Variants in B4GALT4 observed in about 807,000 individuals in gnomAD.
B4GALT4 encodes N-acetyllactosamine synthase.
B4GALT4 carries 27 observed loss-of-function variants against 37.3 expected under a neutral mutation model. That is an observed-to-expected ratio of 0.72 (90% CI 0.53 to 1.00). The LOEUF is 1.00. Among genes scored for constraint, B4GALT4 ranks in the 50% least tolerant of loss-of-function variants. B4GALT4 has a pLI of 0.00. For synonymous variants in B4GALT4, 148 were observed against 154.1 expected, an observed-to-expected ratio of 0.96 and a Z score of 0.29; for missense variants, 372 against 413.1, an observed-to-expected ratio of 0.90 and a Z score of 0.86.
chr3:119,213,468 G>C (rs979155747), intron 7 of B4GALT4: 1 of 152,216 alleles, frequency 6.6e-6, no homozygotes, highest in Non-Finnish European at 1.5e-5. Flanking sequence ...AAGAATAAAT[G>C]CAGTGTGATT....
intron 6 of B4GALT4, 76 bp from the exon 7 acceptor site, chr3:119,216,420 G>A (rs577557428): frequency 2.4e-5 from 24 of 1,003,176 alleles, no homozygotes; most frequent in African/African-American, 1.3e-4. Flanking sequence ...CATCATTTGC[G>A]AAAATTTATA....
At chr3:119,238,966 G>A (rs1436193342) in intron 1 of B4GALT4, among the ~76,000 whole-genome samples, 1 of 152,216 alleles carries the variant, frequency 6.6e-6, no homozygotes, top group African/African-American at 2.4e-5. Context: ...ACTGTGGTCT[G>A]TGTTTGAAAT....
At chr3:119,227,162 G>A in intron 3 of B4GALT4, 121 bp from the exon 4 acceptor site, 2 of 799,882 alleles carry the variant, frequency 2.5e-6, no homozygotes, top group East Asian at 5.2e-5. Flanking sequence ...ACAAATGTCA[G>A]CTTTTATTAT....
At chr3:119,218,490 G>A (rs76490022) in intron 6 of B4GALT4, among the ~76,000 whole-genome samples, 160 bp downstream of exon 6, 3,176 of 152,154 alleles carry the variant, frequency 0.021, 91 homozygotes, top group African/African-American at 0.07. Flanking sequence ...AGAATGATGT[G>A]GGCCATCCTA....
At chr3:119,236,585 C>T (rs1241818460) in intron 2 of B4GALT4, among the ~76,000 whole-genome samples, 1 of 152,128 alleles carries the variant, frequency 6.6e-6, no homozygotes, top group Non-Finnish European at 1.5e-5. Context: ...TTCCTAGTGC[C>T]TCAAACCAAC....
intron 3 of B4GALT4, among the ~76,000 whole-genome samples, chr3:119,229,270 C>T (rs1430611040): frequency 6.6e-6 from 1 of 152,164 alleles, no homozygotes; most frequent in Non-Finnish European, 1.5e-5. Context: ...ACAGGAGGCA[C>T]ATGGGGCAGA....
intron 2 of B4GALT4, among the ~76,000 whole-genome samples, chr3:119,234,396 A>G (rs1024365857): frequency 6.6e-6 from 1 of 152,216 alleles, no homozygotes; most frequent in Non-Finnish European, 1.5e-5. Flanking sequence ...CTGGGATTAC[A>G]GGCGTGAGCC....
intron 2 of B4GALT4, chr3:119,233,114 A>T (rs2078874374): frequency 6.6e-6 from 1 of 152,234 alleles, no homozygotes; most frequent in Admixed American, 6.5e-5. Context: ...AGCCCTGGGA[A>T]CATGGCTTTT....
chr3:119,231,577 GTGCTA>G (rs1279511702), intron 2 of B4GALT4, among the ~76,000 whole-genome samples: 12 of 151,846 alleles, frequency 7.9e-5, no homozygotes, highest in Non-Finnish European at 1.5e-4. Flanking sequence ...CCCTATATCT[GTGCTA>G]TGATTACAAC....
intron 5 of B4GALT4, among the ~76,000 whole-genome samples, chr3:119,221,753 G>A (rs886492474): frequency 1.3e-5 from 2 of 152,184 alleles, no homozygotes; most frequent in East Asian, 3.8e-4. Flanking sequence ...ATTTCTAAAA[G>A]AGGGCCATGG....
intron 6 of B4GALT4, among the ~76,000 whole-genome samples, chr3:119,218,327 G>A (rs937313132): frequency 5.3e-5 from 8 of 152,250 alleles, no homozygotes; most frequent in Non-Finnish European, 8.8e-5. Flanking sequence ...TTAACAACCC[G>A]GTCTCCAAAT....
At chr3:119,215,951 A>C (rs1024083716) in intron 7 of B4GALT4, 9 of 201,944 alleles carry the variant, frequency 4.5e-5, no homozygotes, top group African/African-American at 2.1e-4. Context: ...TATTTTAAGA[A>C]TACATACTGA....
At chr3:119,212,791 G>A in intron 7 of B4GALT4, 110 bp from the exon 8 acceptor site, 1 of 1,063,372 alleles carries the variant, frequency 9.4e-7, no homozygotes, top group Non-Finnish European at 1.3e-6. Context: ...TATTGTACCT[G>A]TTGTGTTTCC....
chr3:119,217,829 C>T (rs1424787128), intron 6 of B4GALT4, among the ~76,000 whole-genome samples: 7 of 114,254 alleles, frequency 6.1e-5, no homozygotes, highest in South Asian at 3.0e-4. Flanking sequence ...GGTGACAGAG[C>T]GAGACTTTGT....
intron 5 of B4GALT4, among the ~76,000 whole-genome samples, chr3:119,223,149 G>C (rs2107492127): frequency 6.6e-6 from 1 of 152,256 alleles, no homozygotes; most frequent in East Asian, 1.9e-4. Context: ...TCCTTACCAA[G>C]TGCTTATAGT....
intron 1 of B4GALT4, among the ~76,000 whole-genome samples, chr3:119,237,932 A>G (rs13091429): frequency 0.19 from 28,260 of 152,146 alleles, 2,799 homozygotes; most frequent in Admixed American, 0.26. Flanking sequence ...ACACAGAAAA[A>G]TGCTCATAAC....
intron 6 of B4GALT4, 82 bp from the exon 7 acceptor site, chr3:119,216,426 T>C (rs2078292215): frequency 1.0e-5 from 8 of 786,606 alleles, no homozygotes. Context: ...TTGCGAAAAT[T>C]TATACACACA....
chr3:119,216,773 A>C (rs1011284609), intron 6 of B4GALT4, among the ~76,000 whole-genome samples: 1 of 152,224 alleles, frequency 6.6e-6, no homozygotes, highest in African/African-American at 2.4e-5. Context: ...TTATGGTCAC[A>C]AGTTTTAAAG....
At chr3:119,229,028 C>T (rs188279458) in intron 3 of B4GALT4, among the ~76,000 whole-genome samples, 2 of 152,314 alleles carry the variant, frequency 1.3e-5, no homozygotes, top group East Asian at 3.9e-4. Context: ...AGAGGCAAGA[C>T]ATAAAAGGTG....
Sources: gnomAD v4.1 joint callset for allele counts (sites outside exome capture counted in the v4.1 genomes callset) on GRCh38, gnomAD v4.1.1 for gene constraint, MANE v1.5 for transcripts, NCBI Gene and HGNC (gene_info 2026-07-23, HGNC 2026-07-21) for gene names.